The following C15orf39 variants were observed in gnomAD, a reference collection of about 807,000 sequenced individuals.
C15orf39 encodes PRMT2 interacting protein.
A neutral mutation model predicts 53.9 loss-of-function variants in C15orf39; 24 were observed. That is an observed-to-expected ratio of 0.45 (90% CI 0.32 to 0.63). The LOEUF is 0.63. C15orf39 is among the 20% of genes least tolerant of loss of function. The probability of loss-of-function intolerance (pLI) is 0.04; values close to 1 mark genes in which losing one functional copy is unlikely to be tolerated. For synonymous variants in C15orf39, 569 were observed against 576.5 expected (o/e 0.99, Z 0.19); for missense variants, 1,271 against 1,347.9 (o/e 0.94, Z 0.89).
chr15:75,210,804 A>G lies in C15orf39; in HGVS notation c.2832A>G (p.Arg944=), dbSNP rs1429058927. ...AVSSSEPTVA[R]GEPESLALAQ... ...CCTCCTCAGAGCCCACTGTGGCCAG[A>G]GGTGAGCCAGAGAGCCTAGCCCTGG... The change falls in exon 3 of 3, where the codon AGA becomes AGG. Residue 944 remains arginine (R), a synonymous_variant. Transcript: ENST00000394987. 1 of 1,613,904 alleles carries G rather than the reference A, an allele frequency of 6.2e-7. No homozygotes were observed. The highest frequency in any genetic ancestry group is 1.7e-5 in the Admixed American group (1 of 60,016).
Position 75,211,493 on chromosome 15 carries a change from G to T in C15orf39, c.*377G>T, listed in dbSNP as rs1046057617. ...ACCTACCTCACAGGGTTGTTGTGGG[G>T]ATGCTGCCTGATACATACCCTGTCA... On this transcript the variant is annotated 3_prime_UTR_variant, in exon 3 of 3. Coordinates refer to ENST00000394987, the MANE Select transcript of C15orf39 (RefSeq NM_015492.5). The T allele has an allele frequency of 2.4e-5, 5 of 205,432 alleles. No homozygotes were observed. Among genetic ancestry groups the T allele is most frequent in the Non-Finnish European group, 9.7e-6 (1 of 103,272 alleles). The allele number at this position is 205,432 out of a possible 1,614,324, so 12.7% of individuals were successfully genotyped here. A position where few individuals can be genotyped will look rare whatever the true frequency, so the allele number is the denominator to read the frequency against.
In C15orf39 at chr15:75,211,029, T is replaced by C; in HGVS notation, c.3057T>C (p.Ala1019=). 1 of 1,609,564 alleles carries C rather than the reference T, an allele frequency of 6.2e-7. No homozygotes were observed. The highest frequency in any genetic ancestry group is 8.5e-7 in the Non-Finnish European group (1 of 1,179,994). The part of the protein sequence containing the change: ...LLETAWLNGL[A]LPTWGHKSSR... ...AGACCGCCTGGCTCAATGGCCTGGC[T>C]CTGCCCACCTGGGGCCACAAGTCCT... The change falls in exon 3 of 3, where the codon GCT becomes GCC. Residue 1019 remains alanine, a synonymous_variant. Coordinates refer to ENST00000394987, the MANE Select transcript of C15orf39 (RefSeq NM_015492.5).
chr15:75,202,529 G>C (rs747187505), intron 1 of C15orf39: 4 of 152,286 alleles, frequency 2.6e-5, no homozygotes, highest in Non-Finnish European at 5.9e-5. Context: ...CGGCCCTGCG[G>C]TTTTCTCGCC....
chr15:75,199,488 C>T (rs768816431), upstream of C15orf39, among the ~76,000 whole-genome samples: 1 of 152,194 alleles, frequency 6.6e-6, no homozygotes, highest in Non-Finnish European at 1.5e-5. Context: ...GCTGCCAGCT[C>T]CACCTCACAC....
At chr15:75,205,955 A>G in intron 1 of C15orf39, 44 bp from the exon 2 acceptor site, 6 of 1,300,678 alleles carry the variant, frequency 4.6e-6, no homozygotes, top group Non-Finnish European at 5.2e-6. Flanking sequence ...CTTTGCCTGT[A>G]GCCTGTTTTC....
In C15orf39 at chr15:75,207,867, G is replaced by C. The variant is rs2070452549; in HGVS notation, c.1819G>C (p.Asp607His). 1.9e-6 allele frequency: 3 copies of C among 1,613,530 alleles called. No homozygotes were observed. In the South Asian group the frequency reaches 3.3e-5, roughly 18 times the overall value. Residue 607 changes from aspartate to histidine, a missense_variant, in exon 2 of 3, where the codon GAT becomes CAT. By Grantham distance (81) the Asp-to-His change is moderately conservative (BLOSUM62 -1). Coordinates refer to ENST00000394987, the MANE Select transcript of C15orf39 (RefSeq NM_015492.5). Reference sequence around the variant, plus strand: ...GCCTACTGCAGCCATGGATGTGCCAGATGTGGGCAACATGGTGTCAGATCT... The same window carrying C: ...GCCTACTGCAGCCATGGATGTGCCACATGTGGGCAACATGGTGTCAGATCT... The part of the protein sequence containing the change: ...AKPTAAMDVP[D>H]VGNMVSDLPG...
At chr15:75,202,996 C>T (rs1038300831) in intron 1 of C15orf39, among the ~76,000 whole-genome samples, 34 of 152,216 alleles carry the variant, frequency 2.2e-4, no homozygotes, top group African/African-American at 8.2e-4. Context: ...GTTCGCTTTC[C>T]CCTCCACTGG....
At chr15:75,210,370 C>G (rs2070474629) in intron 2 of C15orf39, among the ~76,000 whole-genome samples, 1 of 152,204 alleles carries the variant, frequency 6.6e-6, no homozygotes, top group Admixed American at 6.5e-5. Context: ...GGCTTGGTCT[C>G]TGGGGCTGGT....
chr15:75,209,749 G>T (rs1219991571), intron 2 of C15orf39, among the ~76,000 whole-genome samples: 2 of 152,102 alleles, frequency 1.3e-5, no homozygotes, highest in Non-Finnish European at 2.9e-5. Flanking sequence ...CATTTCCACT[G>T]CCCAGCCTCT....
rs1331832139 is a variant in C15orf39, at chr15:75,207,264, G to T, written c.1216G>T (p.Ala406Ser). The T allele has an allele frequency of 6.2e-7, 1 of 1,613,382 alleles. No individual in the cohort carries two copies. The highest frequency in any genetic ancestry group is 8.5e-7 in the Non-Finnish European group (1 of 1,179,966). ...ACCACCTTCCCAGAACAATGTGCGGGCTGTGCCACAGCCTGGTGCCTTCCA... is the reference window on the plus strand; with the variant it reads ...ACCACCTTCCCAGAACAATGTGCGGTCTGTGCCACAGCCTGGTGCCTTCCA... The part of the protein sequence containing the change: ...GTPPSQNNVR[A>S]VPQPGAFQRA... The change falls in exon 2 of 3, where the codon GCT (alanine) becomes TCT (serine). Residue 406 changes from alanine (A) to serine (S), a missense_variant. Ala to Ser is a moderately conservative substitution (Grantham distance 99). Around this residue, in one of 2 missense-constraint regions of C15orf39, gnomAD observed 994 missense variants for 993.7 expected, o/e 1.00. Coordinates refer to ENST00000394987, the MANE Select transcript of C15orf39 (RefSeq NM_015492.5).
At chr15:75,204,958 T>G (rs1472003370) in intron 1 of C15orf39, among the ~76,000 whole-genome samples, 1 of 152,188 alleles carries the variant, frequency 6.6e-6, no homozygotes, top group Non-Finnish European at 1.5e-5. Flanking sequence ...CAGCACCATC[T>G]GCTGGGCTGC....
Position 75,208,632 on chromosome 15 carries a change from G to T in C15orf39, c.2584G>T (p.Val862Leu). 6.3e-7 allele frequency: 1 copy of T among 1,599,912 alleles called. No individual in the cohort carries two copies. The highest frequency in any genetic ancestry group is 8.5e-7 in the Non-Finnish European group (1 of 1,174,626). Reference sequence around the variant, plus strand: ...CTTCCCTCGGCTGCCACCCGCTTCTGTGGACCATGTGCTGCAGGAGCATCG... The same window carrying T: ...CTTCCCTCGGCTGCCACCCGCTTCTTTGGACCATGTGCTGCAGGAGCATCG... Reference protein sequence around the residue: ...RLFPRLPPASVDHVLQEHRVE... With the variant: ...RLFPRLPPASLDHVLQEHRVE... Residue 862 changes from valine (V) to leucine (L), a missense_variant, in exon 2 of 3, where the codon GTG (valine) becomes TTG (leucine). This residue lies in a region of C15orf39 where 277 missense variants were observed against 354.1 expected (regional missense o/e 0.78). Coordinates refer to ENST00000394987, the MANE Select transcript of C15orf39 (RefSeq NM_015492.5).
chr15:75,203,437 A>T (rs1398526337), intron 1 of C15orf39, among the ~76,000 whole-genome samples: 1 of 152,170 alleles, frequency 6.6e-6, no homozygotes, highest in Non-Finnish European at 1.5e-5. Context: ...AGGCACCTAC[A>T]TTTTGGCAAC....
chr15:75,205,871 C>G, intron 1 of C15orf39, 128 bp from the exon 2 acceptor site: 1 of 659,802 alleles, frequency 1.5e-6, no homozygotes, highest in Non-Finnish European at 2.5e-6. Context: ...CACTCACAGT[C>G]TTAACTGAGC....
In C15orf39 at chr15:75,206,169, T is replaced by C. The variant is rs149365490; in HGVS notation, c.121T>C (p.Cys41Arg). ...LPHSVGNQDP[C>R]TYKGSYFSCP... ...CCACTCTGTTGGTAACCAGGATCCC[T>C]GCACCTACAAGGGGTCCTACTTCTC... The change falls in exon 2 of 3, where the codon TGC becomes CGC. Residue 41 changes from cysteine to arginine, a missense_variant. Transcript: ENST00000394987. The C allele has an allele frequency of 3.6e-5, 58 of 1,614,026 alleles. No individual in the cohort carries two copies. In the Middle Eastern group the frequency reaches 5.0e-4, roughly 14 times the overall value.
Position 75,211,043 on chromosome 15 carries a change from G to A in C15orf39, c.3071G>A (p.Gly1024Asp), listed in dbSNP as rs2070480043. Residue 1024 changes from glycine (G) to aspartate (D), a missense_variant, in exon 3 of 3, where the codon GGC becomes GAC. This residue lies in a region of C15orf39 where 277 missense variants were observed against 354.1 expected (regional missense o/e 0.78). Coordinates refer to ENST00000394987, the MANE Select transcript of C15orf39 (RefSeq NM_015492.5). The part of the protein sequence containing the change: ...WLNGLALPTW[G>D]HKSSRPDQPS... ...AATGGCCTGGCTCTGCCCACCTGGG[G>A]CCACAAGTCCTCAAGACCAGACCAG... 1 of 1,607,564 alleles carries A rather than the reference G, an allele frequency of 6.2e-7. No homozygotes were observed. The highest frequency in any genetic ancestry group is 8.5e-7 in the Non-Finnish European group (1 of 1,179,988).
At position 75,208,458 on chromosome 15, in the gene C15orf39, G is replaced by T. The variant is rs754971189; in HGVS notation, c.2410G>T (p.Ala804Ser). Reference protein sequence around the residue: ...LETAGPWGQAAWQDCQGVQGL... With the variant: ...LETAGPWGQASWQDCQGVQGL... ...GACGGCTGGGCCCTGGGGCCAGGCTGCGTGGCAGGACTGCCAGGGTGTGCA... is the reference window on the plus strand; with the variant it reads ...GACGGCTGGGCCCTGGGGCCAGGCTTCGTGGCAGGACTGCCAGGGTGTGCA... Residue 804 changes from alanine (A) to serine (S), a missense_variant, in exon 2 of 3, where the codon GCG (alanine) becomes TCG (serine). By Grantham distance (99) the Ala-to-Ser change is moderately conservative (BLOSUM62 1). Transcript: ENST00000394987. The T allele has an allele frequency of 1.8e-5, 29 of 1,602,916 alleles. No homozygotes were observed. Among genetic ancestry groups the T allele is most frequent in the Non-Finnish European group, 2.3e-5 (27 of 1,178,104 alleles).
chr15:75,208,604 G>T lies in C15orf39; in HGVS notation c.2556G>T (p.Arg852=). 2 of 1,583,488 alleles carry T rather than the reference G, an allele frequency of 1.3e-6. No homozygotes were observed. Among genetic ancestry groups the T allele is most frequent in the Non-Finnish European group, 1.7e-6 (2 of 1,165,524 alleles). Residue 852 remains arginine, a synonymous_variant, in exon 2 of 3, where the codon CGG becomes CGT. Transcript: ENST00000394987. The stretch of plus-strand genomic sequence containing the variant: ...TGCCCATTCACCTGGTGAAGGAGCG[G>T]CTCTTCCCTCGGCTGCCACCCGCTT... ...IFVPIHLVKE[R]LFPRLPPASV...
rs2070476552 is a variant in C15orf39, at chr15:75,210,668, A to G, written c.2777-81A>G. 20 of 1,510,622 alleles carry G rather than the reference A, an allele frequency of 1.3e-5. No homozygotes were observed. The Admixed American group carries it at 4.1e-4, about 31-fold the overall frequency. The allele number at this position is 1,510,622 out of a possible 1,614,324, so 93.6% of individuals were successfully genotyped here. Reference sequence around the variant, plus strand: ...GCCTGACTTGGGGCAGAGCAGAAGCACTGTTTGGATGGCTTTGGAAGCCAG... The same window carrying G: ...GCCTGACTTGGGGCAGAGCAGAAGCGCTGTTTGGATGGCTTTGGAAGCCAG... On this transcript the variant is annotated intron_variant, in intron 2 of 2. Coordinates refer to ENST00000394987, the MANE Select transcript of C15orf39 (RefSeq NM_015492.5).
Sources: gnomAD v4.1 joint callset for allele counts (sites outside exome capture counted in the v4.1 genomes callset) on GRCh38, gnomAD v4.1.1 for gene constraint, gnomAD v4.1.1 regional missense constraint, MANE v1.5 for transcripts, NCBI Gene and HGNC (gene_info 2026-07-23, HGNC 2026-07-21) for gene names.